The following HIVEP2 variants were observed in gnomAD, a reference collection of about 807,000 sequenced individuals.
HIVEP2 encodes the protein HIVEP zinc finger 2, also known as transcription factor HIVEP2.
Under a neutral mutation model 180.7 loss-of-function variants are expected in HIVEP2, and 14 were observed. That is an observed-to-expected ratio of 0.08 (90% CI 0.05 to 0.12). The LOEUF is 0.12. HIVEP2 is among the 10% of genes least tolerant of loss of function. HIVEP2 has a pLI of 1.00. For missense variants in HIVEP2, 2,579 were observed against 3,008.5 expected, an observed-to-expected ratio of 0.86 and a Z score of 3.34; for synonymous variants, 1,184 against 1,136.4, an observed-to-expected ratio of 1.04 and a Z score of -0.84.
At chr6:142,867,705 A>G (rs1562271722) in intron 1 of HIVEP2, among the ~76,000 whole-genome samples, 1 of 152,206 alleles carries the variant, frequency 6.6e-6, no homozygotes. Context: ...GATATGTGCT[A>G]AAAGAATTTG....
At chr6:142,801,905 C>T (rs995086047) in intron 2 of HIVEP2, among the ~76,000 whole-genome samples, 1 of 152,160 alleles carries the variant, frequency 6.6e-6, no homozygotes, top group African/African-American at 2.4e-5. Context: ...ATATCCTTCT[C>T]CTTAAAGTTC....
At chr6:142,797,021 G>T (rs772377978) in intron 2 of HIVEP2, among the ~76,000 whole-genome samples, 2 of 152,116 alleles carry the variant, frequency 1.3e-5, no homozygotes, top group Non-Finnish European at 2.9e-5. Flanking sequence ...GCCATGTATG[G>T]TCTATGTGTG....
chr6:142,793,643 TCTTTCTTTCTTTC>T (rs1562521233), intron 2 of HIVEP2, among the ~76,000 whole-genome samples: 1 of 35,756 alleles, frequency 2.8e-5, no homozygotes, highest in Non-Finnish European at 5.4e-5. Flanking sequence ...TTTCTTTCTT[TCTTTCTTTCTTTC>T]TTTTTTCTTT....
chr6:142,822,805 A>C (rs78185850), intron 2 of HIVEP2, among the ~76,000 whole-genome samples: 2 of 152,310 alleles, frequency 1.3e-5, no homozygotes, highest in South Asian at 4.2e-4. Context: ...ACAGGATAGA[A>C]GTGTCTTTCC....
At chr6:142,866,087 G>T (rs1030749816) in intron 1 of HIVEP2, among the ~76,000 whole-genome samples, 4 of 148,978 alleles carry the variant, frequency 2.7e-5, no homozygotes, top group Non-Finnish European at 6.0e-5. Context: ...GAGGGCTGTG[G>T]TGGAAATTAA....
At chr6:142,806,841 A>G (rs922370943) in intron 2 of HIVEP2, among the ~76,000 whole-genome samples, 42 of 152,230 alleles carry the variant, frequency 2.8e-4, no homozygotes, top group African/African-American at 1.0e-3. Context: ...TATTACTACT[A>G]TTTTATAGAT....
chr6:142,907,571 T>G (rs1040566579), intron 1 of HIVEP2, among the ~76,000 whole-genome samples: 10 of 152,242 alleles, frequency 6.6e-5, no homozygotes, highest in African/African-American at 2.4e-4. Context: ...TTTTCACCTC[T>G]GTAATTTGAG....
At chr6:142,767,745 T>C (rs1775410667) in intron 6 of HIVEP2, among the ~76,000 whole-genome samples, 1 of 152,234 alleles carries the variant, frequency 6.6e-6, no homozygotes, top group Admixed American at 6.5e-5. Context: ...AACAAAGTCT[T>C]TGAACCTTAT....
intron 1 of HIVEP2, among the ~76,000 whole-genome samples, chr6:142,910,282 C>G (rs935149541): frequency 6.6e-6 from 1 of 152,194 alleles, no homozygotes; most frequent in Admixed American, 6.5e-5. Context: ...AACAAAATTT[C>G]CCACTCTTCT....
At chr6:142,905,620 T>C (rs1777242344) in intron 1 of HIVEP2, among the ~76,000 whole-genome samples, 1 of 152,244 alleles carries the variant, frequency 6.6e-6, no homozygotes, top group South Asian at 2.1e-4. Flanking sequence ...ACTAGCCAGA[T>C]TCACTGTACT....
intron 2 of HIVEP2, among the ~76,000 whole-genome samples, chr6:142,810,020 G>A (rs1776651195): frequency 6.6e-6 from 1 of 152,212 alleles, no homozygotes; most frequent in African/African-American, 2.4e-5. Flanking sequence ...CCCCAGCTGG[G>A]AATATCAGCT....
intron 1 of HIVEP2, among the ~76,000 whole-genome samples, chr6:142,863,005 T>C (rs1367444593): frequency 1.4e-5 from 2 of 142,086 alleles, no homozygotes; most frequent in South Asian, 2.1e-4. Flanking sequence ...TAATTACATA[T>C]ATTATATATT....
At chr6:142,825,848 C>A (rs1421077913) in intron 2 of HIVEP2, among the ~76,000 whole-genome samples, 1 of 151,862 alleles carries the variant, frequency 6.6e-6, no homozygotes, top group Admixed American at 6.6e-5. Context: ...AAGGTGCCAA[C>A]CTTAAAATAA....
intron 1 of HIVEP2, among the ~76,000 whole-genome samples, chr6:142,901,622 T>A (rs1562284805): frequency 6.6e-6 from 1 of 152,196 alleles, no homozygotes; most frequent in African/African-American, 2.4e-5. Context: ...TTCTGCAAAA[T>A]CAAATGCAAA....
At chr6:142,904,260 C>T (rs1195311133) in intron 1 of HIVEP2, among the ~76,000 whole-genome samples, 1 of 152,064 alleles carries the variant, frequency 6.6e-6, no homozygotes, top group Non-Finnish European at 1.5e-5. Context: ...CTTATCCTCC[C>T]CAAATATTAT....
intron 1 of HIVEP2, among the ~76,000 whole-genome samples, chr6:142,894,841 C>T (rs1776943026): frequency 6.6e-6 from 1 of 152,152 alleles, no homozygotes; most frequent in African/African-American, 2.4e-5. Flanking sequence ...GTGTTCAGAA[C>T]CACTCCACTA....
intron 1 of HIVEP2, among the ~76,000 whole-genome samples, chr6:142,886,778 CTG>C (rs1776708038): frequency 6.6e-6 from 1 of 152,184 alleles, no homozygotes; most frequent in Admixed American, 6.5e-5. Context: ...GTTAACAACA[CTG>C]TTCTAACTTT....
chr6:142,909,541 G>A (rs947854343), intron 1 of HIVEP2, among the ~76,000 whole-genome samples: 2 of 152,076 alleles, frequency 1.3e-5, no homozygotes, highest in African/African-American at 2.4e-5. Context: ...TGTTTAATAA[G>A]GCTTTATACA....
rs953177693 is a variant in HIVEP2, at chr6:142,759,710, A to G, written c.6516+62T>C. ...GTTCTACTAAACTTCACACCAGTGC[A>G]TTATCAGGAGGACCAATGTGCTTCC... On this transcript the variant is annotated intron_variant, in intron 9 of 9. Coordinates refer to ENST00000367603, the MANE Select transcript of HIVEP2 (RefSeq NM_006734.4). The G allele has an allele frequency of 1.3e-5, 17 of 1,324,306 alleles. No individual in the cohort carries two copies. In the African/African-American group the frequency reaches 2.5e-4, roughly 19 times the overall value. 82.0% of individuals were successfully genotyped at this position (1,324,306 alleles called of 1,614,324 possible). A position where few individuals can be genotyped will look rare whatever the true frequency, so the allele number is the denominator to read the frequency against.
Sources: allele counts gnomAD v4.1 joint callset (sites outside exome capture counted in the v4.1 genomes callset), GRCh38; gene constraint gnomAD v4.1.1; transcripts MANE v1.5; gene names NCBI Gene and HGNC (gene_info 2026-07-23, HGNC 2026-07-21).